ZBTB37: variants seen among roughly 807,000 people sequenced by gnomAD.
ZBTB37 encodes the protein zinc finger and BTB domain-containing protein 37.
In ZBTB37, 15 loss-of-function variants were observed where a neutral mutation model predicts 37.7. That is an observed-to-expected ratio of 0.40 (90% CI 0.27 to 0.61). The LOEUF (loss-of-function observed/expected upper bound fraction) is 0.61, where lower values mean the gene tolerates loss of function less well. ZBTB37 is among the 20% of genes least tolerant of loss of function. ZBTB37 has a pLI of 0.44. For synonymous variants in ZBTB37, 231 were observed against 220.6 expected, an observed-to-expected ratio of 1.05 and a Z score of -0.42; for missense variants, 514 against 641.9, an observed-to-expected ratio of 0.80 and a Z score of 2.15.
chr1:173,888,379 C>T (rs1656710037), downstream of ZBTB37: 1 of 152,116 alleles, frequency 6.6e-6, no homozygotes, highest in Non-Finnish European at 1.5e-5. Context: ...TTAAGTCCAT[C>T]CTACTTTTGA....
At chr1:173,877,835 A>G (rs1489651040) in intron 4 of ZBTB37, among the ~76,000 whole-genome samples, 2 of 152,224 alleles carry the variant, frequency 1.3e-5, no homozygotes, top group East Asian at 3.8e-4. Context: ...AAGGACTTAC[A>G]GTAAGAATGA....
chr1:173,889,901 A>C (rs1656777738), downstream of ZBTB37: 4 of 152,216 alleles, frequency 2.6e-5, no homozygotes, highest in Admixed American at 2.0e-4. Context: ...AGTTCCCTCT[A>C]CATCAGTGAA....
At chr1:173,876,678 A>G (rs1178879081) in intron 4 of ZBTB37, among the ~76,000 whole-genome samples, 1 of 152,150 alleles carries the variant, frequency 6.6e-6, no homozygotes, top group African/African-American at 2.4e-5. Context: ...ATTGTTACAA[A>G]CTGTGTTTTT....
At chr1:173,879,457 A>C (rs1656175706) in intron 4 of ZBTB37, among the ~76,000 whole-genome samples, 1 of 152,138 alleles carries the variant, frequency 6.6e-6, no homozygotes, top group African/African-American at 2.4e-5. Flanking sequence ...TTAGGACAGA[A>C]GATCTGGCCC....
chr1:173,884,215 G>A (rs1034598105), intron 4 of ZBTB37, among the ~76,000 whole-genome samples: 1 of 149,970 alleles, frequency 6.7e-6, no homozygotes, highest in Non-Finnish European at 1.5e-5. Flanking sequence ...GCAGTGGCCT[G>A]ATGACAGCTT....
rs558262013 is a variant in ZBTB37, at chr1:173,876,925, C to T, written c.1023+3359C>T. The stretch of plus-strand genomic sequence containing the variant: ...ATTTACACAAATTTAGATGGTATAA[C>T]CTACTGCACACCTAGTTCATATGAT... On this transcript the variant is annotated intron_variant, in intron 4 of 4. Transcript: ENST00000427304. 2.6e-5 allele frequency among the ~76,000 whole-genome samples: 4 copies of T among 152,250 alleles called. No homozygotes were observed. In the South Asian group the frequency reaches 8.3e-4, roughly 32 times the overall value.
exon 4 of ZBTB37, chr1:173,902,692 TC>T (rs1462229576): frequency 6.6e-6 from 1 of 151,884 alleles, no homozygotes; most frequent in Non-Finnish European, 1.5e-5. Flanking sequence ...AACCTCCACC[TC>T]CCCCTCTTTC....
downstream of ZBTB37, chr1:173,887,961 G>A (rs914601150): frequency 6.6e-6 from 1 of 151,662 alleles, no homozygotes; most frequent in South Asian, 2.1e-4. Flanking sequence ...AATTGTACAT[G>A]TACATAAAGC....
exon 4 of ZBTB37, chr1:173,903,051 A>T (rs1343697079): frequency 6.6e-6 from 1 of 152,238 alleles, no homozygotes; most frequent in African/African-American, 2.4e-5. Context: ...TTAAATTAAA[A>T]ATCAAGTGAA....
chr1:173,885,939 A>G, exon 5 of ZBTB37: 1 of 1,551,800 alleles, frequency 6.4e-7, no homozygotes, highest in Non-Finnish European at 8.7e-7. Flanking sequence ...CTTCCAGGCC[A>G]TCTTGAATCA....
At chr1:173,897,224 G>A (rs926441236) in exon 4 of ZBTB37, 1 of 152,162 alleles carries the variant, frequency 6.6e-6, no homozygotes, top group African/African-American at 2.4e-5. Flanking sequence ...TAGCACAGAA[G>A]CATTTTGTTA....
At chr1:173,886,400 A>T in exon 5 of ZBTB37, 1 of 433,218 alleles carries the variant, frequency 2.3e-6, no homozygotes, top group Non-Finnish European at 4.1e-6. Flanking sequence ...ATAAGAAAAA[A>T]GGTTTTTTAA....
At chr1:173,870,502 T>C in exon 3 of ZBTB37, 1 of 1,614,258 alleles carries the variant, frequency 6.2e-7, no homozygotes, top group Non-Finnish European at 8.5e-7. Flanking sequence ...AGGGCGGATA[T>C]GCCTGCAACT....
At chr1:173,883,704 A>G (rs535480504) in intron 4 of ZBTB37, among the ~76,000 whole-genome samples, 8 of 152,320 alleles carry the variant, frequency 5.3e-5, no homozygotes, top group African/African-American at 1.7e-4. Context: ...AATATGAAAC[A>G]AATAAAATAA....
Position 173,874,629 on chromosome 1 carries a change from G to A in ZBTB37, c.1023+1063G>A, listed in dbSNP as rs556158534. Reference sequence around the variant, plus strand: ...GCCTCCCAAAATGCTGGGATTACAGGTGTGAGCCACTGCACCCAGCCACTG... The same window carrying A: ...GCCTCCCAAAATGCTGGGATTACAGATGTGAGCCACTGCACCCAGCCACTG... On this transcript the variant is annotated intron_variant, in intron 4 of 4. Transcript: ENST00000427304. Among the ~76,000 whole-genome samples the A allele has an allele frequency of 2.0e-5, 3 of 152,150 alleles. No individual in the cohort carries two copies. The East Asian group carries it at 5.8e-4, about 29-fold the overall frequency.
At chr1:173,889,581 C>G (rs556974896), downstream of ZBTB37, 1 of 152,308 alleles carries the variant, frequency 6.6e-6, no homozygotes, top group Non-Finnish European at 1.5e-5. Flanking sequence ...CTAAGATGTT[C>G]CTTTATTCTG....
In ZBTB37 at chr1:173,875,330, A is replaced by ATAT. The variant is rs1399968929; in HGVS notation, c.1023+1765_1023+1766insATT. Among the ~76,000 whole-genome samples, 517 of 122,438 alleles carry ATAT rather than the reference A, an allele frequency of 4.2e-3. 5 individuals carry two copies. The highest frequency in any genetic ancestry group is 0.016 in the African/African-American group (404 of 25,644). 80.3% of individuals were successfully genotyped at this position (122,438 alleles called of 152,430 possible). A position where few individuals can be genotyped will look rare whatever the true frequency, so the allele number is the denominator to read the frequency against. On this transcript the variant is annotated intron_variant, in intron 4 of 4. Transcript: ENST00000427304. ...TATATATGTGTGCATATATATATAT[A>ATAT]TTTTTTTTTTTTTTTGAGGCAGTCT...
chr1:173,892,891 G>T (rs1279820425), exon 4 of ZBTB37: 1 of 152,082 alleles, frequency 6.6e-6, no homozygotes, highest in African/African-American at 2.4e-5. Context: ...TACACCATCC[G>T]GTTAAGAAAG....
intron 4 of ZBTB37, 58 bp from the exon 5 acceptor site, chr1:173,885,578 T>C: frequency 7.3e-7 from 1 of 1,375,444 alleles, no homozygotes; most frequent in Non-Finnish European, 9.8e-7. Flanking sequence ...TGATTGCTTT[T>C]AATATGTATG....
Sources: allele counts gnomAD v4.1 joint callset (sites outside exome capture counted in the v4.1 genomes callset), GRCh38; gene constraint gnomAD v4.1.1; transcripts MANE v1.5; gene names NCBI Gene and HGNC (gene_info 2026-07-23, HGNC 2026-07-21).